The following SLC5A1 variants were observed in gnomAD, a reference collection of about 807,000 sequenced individuals.
SLC5A1 encodes sodium/glucose cotransporter 1.
SLC5A1 carries 42 observed loss-of-function variants against 73.5 expected under a neutral mutation model. That is an observed-to-expected ratio of 0.57 (90% CI 0.45 to 0.74). The LOEUF (loss-of-function observed/expected upper bound fraction) is 0.74, where lower values mean the gene tolerates loss of function less well. SLC5A1 is among the 30% of genes least tolerant of loss of function. The probability of loss-of-function intolerance (pLI) is 0.00; values close to 1 mark genes in which losing one functional copy is unlikely to be tolerated. For missense variants in SLC5A1, 634 were observed against 855.4 expected, an observed-to-expected ratio of 0.74 and a Z score of 3.23; for synonymous variants, 300 against 317.4, an observed-to-expected ratio of 0.95 and a Z score of 0.58.
rs1215187838 is a variant in SLC5A1, at chr22:32,111,063, C to A, written c.*850C>A. Reference sequence around the variant, plus strand: ...TTACATGAGCCTGGCCCTTAGTTAACCTTTTCTTGTGGCTACACAAAGTAT... The same window carrying A: ...TTACATGAGCCTGGCCCTTAGTTAAACTTTTCTTGTGGCTACACAAAGTAT... On this transcript the variant is annotated 3_prime_UTR_variant, in exon 15 of 15. Transcript: ENST00000266088. The A allele has an allele frequency of 6.6e-6, 1 of 152,140 alleles. No homozygotes were observed. The highest frequency in any genetic ancestry group is 1.5e-5 in the Non-Finnish European group (1 of 68,062). 9.4% of individuals were successfully genotyped at this position (152,140 alleles called of 1,614,324 possible). A position where few individuals can be genotyped will look rare whatever the true frequency, so the allele number is the denominator to read the frequency against.
chr22:32,081,953 G>T lies in SLC5A1; in HGVS notation c.565G>T (p.Ala189Ser). The T allele has an allele frequency of 6.2e-7, 1 of 1,610,660 alleles. No homozygotes were observed. The highest frequency in any genetic ancestry group is 8.5e-7 in the Non-Finnish European group (1 of 1,176,950). ...LAIFLLLAIT[A>S]LYTITGGLAA... ...CATCTTTCTCTTATTGGCAATCACT[G>T]CCCTTTACACAATTACAGGTGAGTC... is the stretch of plus-strand genomic sequence containing the variant. Residue 189 changes from alanine (A) to serine (S), a missense_variant, in exon 6 of 15, where the codon GCC becomes TCC. Ala to Ser is a moderately conservative substitution (Grantham distance 99). This residue lies in a region of SLC5A1 where 422 missense variants were observed against 626.1 expected (regional missense o/e 0.67). Coordinates refer to ENST00000266088, the MANE Select transcript of SLC5A1 (RefSeq NM_000343.4).
chr22:32,056,283 A>G (rs1349661318), intron 2 of SLC5A1, among the ~76,000 whole-genome samples: 1 of 152,122 alleles, frequency 6.6e-6, no homozygotes, highest in Non-Finnish European at 1.5e-5. Flanking sequence ...GGCCTCCCAA[A>G]GTGCTGGGAC....
chr22:32,056,437 C>CT (rs35843263), intron 2 of SLC5A1, among the ~76,000 whole-genome samples: 57,095 of 121,516 alleles, frequency 0.47, 15,784 homozygotes, highest in East Asian at 0.79. Context: ...ACCTTCCTGT[C>CT]TTTTTTTTTT....
chr22:32,075,689 A>G (rs2093989771), intron 5 of SLC5A1, among the ~76,000 whole-genome samples: 1 of 152,030 alleles, frequency 6.6e-6, no homozygotes, highest in East Asian at 1.9e-4. Context: ...AGGATTTGAG[A>G]GGACTATGGG....
At chr22:32,091,298 A>AC (rs2094016894) in intron 10 of SLC5A1, among the ~76,000 whole-genome samples, 4 of 139,058 alleles carry the variant, frequency 2.9e-5, no homozygotes, top group Non-Finnish European at 4.7e-5. Context: ...CACATACACA[A>AC]ACACACACAC....
rs768857648 is a variant in SLC5A1 at position 32,101,983 on chromosome 22, T to G, written c.1450-39T>G. The G allele has an allele frequency of 1.2e-5, 18 of 1,476,674 alleles. No individual in the cohort carries two copies. The East Asian group carries it at 3.4e-4, about 28-fold the overall frequency. 91.5% of individuals were successfully genotyped at this position (1,476,674 alleles called of 1,614,324 possible). On this transcript the variant is annotated intron_variant, in intron 12 of 14. Transcript: ENST00000266088. ...AATGTTAGAAAGGCCATCTGTTTTG[T>G]GTGTTCAGCATGAGTTAACCCAGGG...
At chr22:32,070,609 T>C (rs2093981455) in intron 5 of SLC5A1, among the ~76,000 whole-genome samples, 3 of 152,118 alleles carry the variant, frequency 2.0e-5, no homozygotes, top group African/African-American at 7.2e-5. Context: ...GTTGGGATTA[T>C]AGGCATGAGC....
Position 32,043,288 on chromosome 22 carries a change from A to G in SLC5A1, c.7A>G (p.Ser3Gly). The G allele has an allele frequency of 6.2e-7, 1 of 1,614,030 alleles. No homozygotes were observed. The highest frequency in any genetic ancestry group is 8.5e-7 in the Non-Finnish European group (1 of 1,180,008). The part of the protein sequence containing the change: MD[S>G]STWSPKTTAV... ...AGGACGCAACGCTGCCACCATGGACAGTAGCACCTGGAGCCCCAAGACCAC... is the reference window on the plus strand; with the variant it reads ...AGGACGCAACGCTGCCACCATGGACGGTAGCACCTGGAGCCCCAAGACCAC... Residue 3 changes from serine (S) to glycine (G), a missense_variant, in exon 1 of 15, where the codon AGT becomes GGT. Transcript: ENST00000266088. The surrounding 1 kb of genome is among the most constrained non-coding windows in gnomAD (Gnocchi z 6.5).
Position 32,111,356 on chromosome 22 carries a change from G to T in SLC5A1, c.*1143G>T, listed in dbSNP as rs769561191. On this transcript the variant is annotated 3_prime_UTR_variant, in exon 15 of 15. Transcript: ENST00000266088. ...TGTCCTAAATCTACTCTTCTGATAA[G>T]GACATCAGTCATATTGGAATAGGAC... The T allele has an allele frequency of 5.3e-5, 8 of 152,036 alleles. No homozygotes were observed. Among genetic ancestry groups the T allele is most frequent in the Non-Finnish European group, 1.0e-4 (7 of 68,016 alleles). The allele number at this position is 152,036 out of a possible 1,614,324, so 9.4% of individuals were successfully genotyped here.
intron 5 of SLC5A1, among the ~76,000 whole-genome samples, chr22:32,080,160 T>C (rs2093997286): frequency 1.3e-5 from 2 of 152,022 alleles, no homozygotes; most frequent in Non-Finnish European, 2.9e-5. Flanking sequence ...AGAGAGGAGT[T>C]TCTTTCTAAC....
chr22:32,107,531 A>G (rs1226725778), intron 14 of SLC5A1, among the ~76,000 whole-genome samples: 1 of 152,230 alleles, frequency 6.6e-6, no homozygotes, highest in African/African-American at 2.4e-5. Context: ...ATTCTAAATG[A>G]AAACCCATGC....
intron 14 of SLC5A1, among the ~76,000 whole-genome samples, chr22:32,107,708 C>T (rs1466571057): frequency 6.6e-6 from 1 of 152,132 alleles, no homozygotes; most frequent in African/African-American, 2.4e-5. Flanking sequence ...GACTTGGTGA[C>T]CTCTGAGGTT....
Position 32,084,937 on chromosome 22 carries a change from C to T in SLC5A1, c.923C>T (p.Ser308Phe). 6.2e-7 allele frequency: 1 copy of T among 1,614,210 alleles called. No homozygotes were observed. The highest frequency in any genetic ancestry group is 1.1e-5 in the South Asian group (1 of 91,084). ...VQRCLSAKNMSHVKGGCILCG... is the reference protein window; with the variant it reads ...VQRCLSAKNMFHVKGGCILCG... ...CGCTGCCTCTCAGCCAAGAATATGT[C>T]TCACGTGAAGGGTGGCTGCATCCTG... Residue 308 changes from serine (S) to phenylalanine (F), a missense_variant, in exon 9 of 15, where the codon TCT becomes TTT. Ser to Phe is a radical substitution (Grantham distance 155, BLOSUM62 -2). Around this residue, in one of 3 missense-constraint regions of SLC5A1, gnomAD observed 422 missense variants for 626.1 expected, o/e 0.67. Coordinates refer to ENST00000266088, the MANE Select transcript of SLC5A1 (RefSeq NM_000343.4).
chr22:32,071,403 T>C (rs369199696), intron 5 of SLC5A1, among the ~76,000 whole-genome samples: 14 of 152,196 alleles, frequency 9.2e-5, no homozygotes, highest in African/African-American at 3.1e-4. Flanking sequence ...TGAGCTATGA[T>C]TGCACCACTG....
chr22:32,100,755 T>C (rs1243863653), intron 12 of SLC5A1, among the ~76,000 whole-genome samples: 2 of 152,164 alleles, frequency 1.3e-5, no homozygotes, highest in Non-Finnish European at 2.9e-5. Context: ...GGGGGATGAA[T>C]AGGGAACATA....
At chr22:32,061,875 A>T (rs933018412) in intron 2 of SLC5A1, among the ~76,000 whole-genome samples, 2 of 152,144 alleles carry the variant, frequency 1.3e-5, no homozygotes, top group African/African-American at 4.8e-5. Context: ...GGGGACAGAG[A>T]TGGGGCTCAG....
rs779428134 is a variant in SLC5A1 at position 32,084,658 on chromosome 22, A to G, written c.884A>G (p.Gln295Arg). Residue 295 changes from glutamine (Q) to arginine (R), a missense_variant and splice_region_variant, in exon 8 of 15, where the codon CAG (glutamine) becomes CGG (arginine). Around this residue, in one of 3 missense-constraint regions of SLC5A1, gnomAD observed 422 missense variants for 626.1 expected, o/e 0.67. Transcript: ENST00000266088. ...ILTLWYWCTDQVIVQRCLSAK... is the reference protein window; with the variant it reads ...ILTLWYWCTDRVIVQRCLSAK... ...ACCTTGTGGTACTGGTGCACAGATC[A>G]GGTACCCAAGCTGGATGTGCGGGAT... 4 of 1,612,386 alleles carry G rather than the reference A, an allele frequency of 2.5e-6. No individual in the cohort carries two copies. Among genetic ancestry groups the G allele is most frequent in the Non-Finnish European group, 2.5e-6 (3 of 1,178,442 alleles).
intron 9 of SLC5A1, among the ~76,000 whole-genome samples, chr22:32,085,790 C>A (rs1190021166): frequency 6.6e-6 from 1 of 152,138 alleles, no homozygotes; most frequent in African/African-American, 2.4e-5. Flanking sequence ...AGCTGCACTC[C>A]TGAGGAACCA....
intron 5 of SLC5A1, among the ~76,000 whole-genome samples, chr22:32,080,139 T>C (rs2093997244): frequency 6.6e-6 from 1 of 152,178 alleles, no homozygotes; most frequent in Non-Finnish European, 1.5e-5. Flanking sequence ...TTCTGACTGC[T>C]AACTCCAGGG....
Sources: allele counts gnomAD v4.1 joint callset (sites outside exome capture counted in the v4.1 genomes callset), GRCh38; gene constraint gnomAD v4.1.1; regional missense constraint gnomAD v4.1.1; non-coding constraint Gnocchi (gnomAD v3.1); transcripts MANE v1.5; gene names NCBI Gene and HGNC (gene_info 2026-07-23, HGNC 2026-07-21).